ADRA1B: variants seen among roughly 807,000 people sequenced by gnomAD.
ADRA1B encodes alpha-1B adrenergic receptor.
A neutral mutation model predicts 17.9 loss-of-function variants in ADRA1B; 17 were observed. The observed-to-expected ratio is 0.95, with a 90% CI of 0.65 to 1.42. The LOEUF (loss-of-function observed/expected upper bound fraction) is 1.42, where lower values mean the gene tolerates loss of function less well. Ranked by LOEUF, ADRA1B falls within the 40% of genes most tolerant of loss-of-function variation. The pLI is 0.00. For missense variants in ADRA1B, 681 were observed against 722.1 expected (o/e 0.94, Z 0.65); for synonymous variants, 366 against 327.6 (o/e 1.12, Z -1.27).
the ADRA1B span, among the ~76,000 whole-genome samples, chr5:159,981,072 G>T: frequency 1.3e-5 from 2 of 152,132 alleles, no homozygotes; most frequent in Admixed American, 1.3e-4. Context: ...TAGGCCAGGG[G>T]CTCTCAAACT....
chr5:159,902,868 T>G (rs1754117962), intron 1 of ADRA1B, among the ~76,000 whole-genome samples: 1 of 152,184 alleles, frequency 6.6e-6, no homozygotes, highest in African/African-American at 2.4e-5. Flanking sequence ...GAGGTGAGAA[T>G]GTGGGGGTTT....
At chr5:159,971,739 A>C in intron 1 of ADRA1B, 140 bp from the exon 2 acceptor site, 1 of 811,402 alleles carries the variant, frequency 1.2e-6, no homozygotes, top group Non-Finnish European at 1.7e-6. Context: ...TATTCCGGGC[A>C]GAGGAACCGG....
intron 1 of ADRA1B, among the ~76,000 whole-genome samples, chr5:159,879,225 C>CGTAGAGATTGTCT (rs973912044): frequency 1.3e-5 from 2 of 152,128 alleles, no homozygotes; most frequent in African/African-American, 2.4e-5. Context: ...CTCGGATTAG[C>CGTAGAGATTGTCT]GTAGAGATTG....
rs770175307 is a variant in ADRA1B at position 159,972,125 on chromosome 5, G to A, written c.1196G>A (p.Arg399His). The A allele has an allele frequency of 1.5e-6, 2 of 1,327,028 alleles. No homozygotes were observed. Among genetic ancestry groups the A allele is most frequent in the South Asian group, 2.0e-5 (1 of 49,094 alleles). The allele number at this position is 1,327,028 out of a possible 1,614,324, so 82.2% of individuals were successfully genotyped here. A position where few individuals can be genotyped will look rare whatever the true frequency, so the allele number is the denominator to read the frequency against. ...RPWTRGGSLE[R>H]SQSRKDSLDD... is the part of the protein sequence containing the mutation. ...TGGACGCGCGGCGGCTCGCTGGAGC[G>A]CTCGCAGTCGCGCAAGGACTCGCTG... Residue 399 changes from arginine to histidine, a missense_variant, in exon 2 of 2, where the codon CGC becomes CAC. Transcript: ENST00000306675.
Position 159,972,254 on chromosome 5 carries a change from G to A in ADRA1B, c.1325G>A (p.Cys442Tyr). 7.4e-7 allele frequency: 1 copy of A among 1,355,952 alleles called. No individual in the cohort carries two copies. The highest frequency in any genetic ancestry group is 9.5e-7 in the Non-Finnish European group (1 of 1,054,666). 84.0% of individuals were successfully genotyped at this position (1,355,952 alleles called of 1,614,324 possible). ...GRGAPPPVEL[C>Y]AFPEWKAPGA... Reference sequence around the variant, plus strand: ...GGCGCGCCACCGCCAGTCGAGCTGTGCGCCTTCCCCGAGTGGAAGGCGCCC... The same window carrying A: ...GGCGCGCCACCGCCAGTCGAGCTGTACGCCTTCCCCGAGTGGAAGGCGCCC... The change falls in exon 2 of 2, where the codon TGC (cysteine) becomes TAC (tyrosine). Residue 442 changes from cysteine (C) to tyrosine (Y), a missense_variant. Transcript: ENST00000306675.
chr5:159,894,138 C>T (rs965243049), intron 1 of ADRA1B, among the ~76,000 whole-genome samples: 1 of 152,202 alleles, frequency 6.6e-6, no homozygotes, highest in African/African-American at 2.4e-5. Context: ...GCTGTGGTGC[C>T]CCGCAGGGAG....
upstream of ADRA1B, among the ~76,000 whole-genome samples, chr5:159,913,705 A>G (rs959571060): frequency 4.6e-5 from 7 of 152,120 alleles, no homozygotes; most frequent in Non-Finnish European, 8.8e-5. Flanking sequence ...AAAATGTCTG[A>G]TAGGCTGAGT....
Position 159,934,710 on chromosome 5 carries a change from T to A in ADRA1B, c.949+16856T>A, listed in dbSNP as rs377218204. ...ATCCCATCCACTTAGGAGGCTGAGG[T>A]AGGAGAATCCATCGCCTGAACCCAG... On this transcript the variant is annotated intron_variant, in intron 1 of 1. Transcript: ENST00000306675. Among the ~76,000 whole-genome samples, 16 of 151,134 alleles carry A rather than the reference T, an allele frequency of 1.1e-4. No homozygotes were observed. In the East Asian group the frequency reaches 2.5e-3, roughly 24 times the overall value.
Position 159,878,483 on chromosome 5 carries a change from C to T in ADRA1B, c.-256+13277C>T, listed in dbSNP as rs138711172. On this transcript the variant is annotated intron_variant, in intron 1 of 2. Transcript: ENST00000641205. ...AGGCAGTTCTGGATTCCCTGTTTTC[C>T]GCGTGCAATCTGTCTGATTAATTCA... 5.8e-3 allele frequency among the ~76,000 whole-genome samples: 890 copies of T among 152,306 alleles called. 9 individuals carry two copies. Among genetic ancestry groups the T allele is most frequent in the African/African-American group, 0.02 (843 of 41,548 alleles).
intron 1 of ADRA1B, among the ~76,000 whole-genome samples, chr5:159,889,665 G>A (rs965534971): frequency 1.3e-5 from 2 of 152,194 alleles, no homozygotes; most frequent in African/African-American, 4.8e-5. Flanking sequence ...TGCATCTGGG[G>A]TTCAATGGCA....
chr5:159,948,411 T>C (rs550675314), intron 1 of ADRA1B: 6 of 985,446 alleles, frequency 6.1e-6, no homozygotes, highest in Non-Finnish European at 7.2e-6. Context: ...AAAATGATGA[T>C]TCAAAGCCAC....
chr5:159,950,277 A>ATTTTTTTC (rs34015321), intron 1 of ADRA1B, among the ~76,000 whole-genome samples: 4 of 151,922 alleles, frequency 2.6e-5, no homozygotes, highest in Non-Finnish European at 4.4e-5. Flanking sequence ...CTAGTGGAGA[A>ATTTTTTTC]TTTTTTCTTT....
rs1278750758 is a variant in ADRA1B, at chr5:159,965,068, CCTG to C, written c.950-6810_950-6808del. Among the ~76,000 whole-genome samples, 1,085 of 152,344 alleles carry C rather than the reference CCTG, an allele frequency of 7.1e-3. 13 individuals carry two copies. The highest frequency in any genetic ancestry group is 0.025 in the African/African-American group (1,028 of 41,570). ...TAGGGTTTGAACCCAGATCTACCTA[CCTG>C]TGATGTCTGAGCAGGTCCTTAACCA... On this transcript the variant is annotated intron_variant, in intron 1 of 1. Coordinates refer to ENST00000306675, the MANE Select transcript of ADRA1B (RefSeq NM_000679.4).
At chr5:159,969,485 C>T (rs892715830) in intron 1 of ADRA1B, among the ~76,000 whole-genome samples, 7 of 152,224 alleles carry the variant, frequency 4.6e-5, no homozygotes, top group African/African-American at 1.7e-4. Context: ...ATCCTTGTGG[C>T]ATCTGTGCCA....
chr5:159,866,486 C>T (rs1251473516), intron 1 of ADRA1B, among the ~76,000 whole-genome samples: 1 of 151,340 alleles, frequency 6.6e-6, no homozygotes, highest in Non-Finnish European at 1.5e-5. Context: ...ACTCTGGAGG[C>T]TGAGGCAGGA....
chr5:159,981,483 A>G, the ADRA1B span, among the ~76,000 whole-genome samples: 1 of 152,148 alleles, frequency 6.6e-6, no homozygotes, highest in African/African-American at 2.4e-5. Context: ...TTGTATTATT[A>G]GATGTCACTT....
chr5:159,943,545 T>A (rs1218094201), intron 1 of ADRA1B, among the ~76,000 whole-genome samples: 2 of 152,058 alleles, frequency 1.3e-5, no homozygotes, highest in African/African-American at 4.8e-5. Context: ...GTCTAATGAC[T>A]TCCACCCTGT....
At chr5:159,911,911 G>A (rs531962023), upstream of ADRA1B, among the ~76,000 whole-genome samples, 2 of 152,280 alleles carry the variant, frequency 1.3e-5, no homozygotes, top group East Asian at 3.9e-4. Context: ...ACTGGGTGTT[G>A]TGTATTTCAG....
chr5:159,889,139 A>C (rs1334307570), intron 1 of ADRA1B, among the ~76,000 whole-genome samples: 1 of 152,202 alleles, frequency 6.6e-6, no homozygotes, highest in African/African-American at 2.4e-5. Flanking sequence ...CTTCACACTG[A>C]CTGAACCTAC....
Sources: gnomAD v4.1 joint callset for allele counts (sites outside exome capture counted in the v4.1 genomes callset) on GRCh38, gnomAD v4.1.1 for gene constraint, MANE v1.5 for transcripts, NCBI Gene and HGNC (gene_info 2026-07-23, HGNC 2026-07-21) for gene names.